CDH12: variants seen among roughly 807,000 people sequenced by gnomAD.
CDH12 encodes the protein cadherin 12, also known as cadherin-12.
Under a neutral mutation model 74.1 loss-of-function variants are expected in CDH12, and 41 were observed. That is an observed-to-expected ratio of 0.55 (90% CI 0.43 to 0.72). The LOEUF (loss-of-function observed/expected upper bound fraction) is 0.72, where lower values mean the gene tolerates loss of function less well. CDH12 is among the 30% of genes least tolerant of loss of function. The pLI is 0.00. For synonymous variants in CDH12, 399 were observed against 355.0 expected (o/e 1.12, Z -1.39); for missense variants, 945 against 977.2 (o/e 0.97, Z 0.44).
chr5:22,732,817 GGTCA>G (rs1744501523), intron 1 of CDH12, among the ~76,000 whole-genome samples: 1 of 151,756 alleles, frequency 6.6e-6, no homozygotes, highest in Non-Finnish European at 1.5e-5. Flanking sequence ...CTGATACCTT[GGTCA>G]CAGACTTCCT....
chr5:22,558,556 A>G (rs921752992), intron 1 of CDH12, among the ~76,000 whole-genome samples: 7 of 152,080 alleles, frequency 4.6e-5, no homozygotes, highest in Admixed American at 2.6e-4. Context: ...AAGTGGCTTG[A>G]TTCTTAAATA....
chr5:21,924,384 C>A (rs925710693), intron 6 of CDH12, among the ~76,000 whole-genome samples: 1 of 151,930 alleles, frequency 6.6e-6, no homozygotes, highest in Admixed American at 6.6e-5. Flanking sequence ...GGAGTGGTGG[C>A]GGGAACCTGT....
chr5:22,046,059 T>C (rs6896767), intron 5 of CDH12, among the ~76,000 whole-genome samples: 34,884 of 152,078 alleles, frequency 0.23, 4,121 homozygotes, highest in South Asian at 0.33. Context: ...GCATTGCCAA[T>C]GTAAATATAA....
chr5:22,532,638 T>C (rs1243699240), intron 1 of CDH12, among the ~76,000 whole-genome samples: 3 of 151,634 alleles, frequency 2.0e-5, no homozygotes, highest in Non-Finnish European at 4.4e-5. Flanking sequence ...TTTAAATCTA[T>C]AGTATGCTGA....
At chr5:22,559,733 A>C (rs1368958012) in intron 1 of CDH12, among the ~76,000 whole-genome samples, 2 of 152,126 alleles carry the variant, frequency 1.3e-5, no homozygotes, top group Non-Finnish European at 2.9e-5. Flanking sequence ...AAAAATCTTA[A>C]AGACAAGCAA....
chr5:22,409,635 A>G (rs1263193506), intron 2 of CDH12, among the ~76,000 whole-genome samples: 2 of 152,078 alleles, frequency 1.3e-5, no homozygotes, highest in Non-Finnish European at 2.9e-5. Flanking sequence ...TAATGTTTTA[A>G]GTTTCTTCTA....
At chr5:22,287,561 A>G (rs1170915930) in intron 3 of CDH12, among the ~76,000 whole-genome samples, 4 of 151,826 alleles carry the variant, frequency 2.6e-5, no homozygotes, top group Non-Finnish European at 5.9e-5. Context: ...CGTCTCTACT[A>G]AAAATACAAA....
At chr5:22,185,740 G>A (rs1036487881) in intron 4 of CDH12, among the ~76,000 whole-genome samples, 37 of 152,188 alleles carry the variant, frequency 2.4e-4, no homozygotes, top group Non-Finnish European at 4.1e-4. Flanking sequence ...TGTGGTAGGA[G>A]TTTTACTGAT....
chr5:22,144,275 T>C (rs1304329540), intron 4 of CDH12: 1 of 152,180 alleles, frequency 6.6e-6, no homozygotes, highest in Admixed American at 6.5e-5. Context: ...AAATTTTAAA[T>C]ATCATATCTA....
chr5:22,087,904 G>A (rs1743173285), intron 4 of CDH12, among the ~76,000 whole-genome samples: 1 of 152,182 alleles, frequency 6.6e-6, no homozygotes, highest in Non-Finnish European at 1.5e-5. Context: ...TTGATGGTGA[G>A]CTGCTCAGAA....
intron 3 of CDH12, among the ~76,000 whole-genome samples, chr5:22,377,059 C>A (rs1741560133): frequency 2.6e-5 from 4 of 152,056 alleles, no homozygotes; most frequent in African/African-American, 9.7e-5. Flanking sequence ...GGTACAACTT[C>A]CTAAATTTTT....
At chr5:22,591,173 T>C (rs575526878) in intron 1 of CDH12, among the ~76,000 whole-genome samples, 2 of 152,316 alleles carry the variant, frequency 1.3e-5, no homozygotes, top group East Asian at 3.9e-4. Context: ...AGGTCATTTA[T>C]TAAATTGTAA....
In CDH12 at chr5:22,679,838, A is replaced by G. The variant is rs538460620; in HGVS notation, c.-523+173220T>C. On this transcript the variant is annotated intron_variant, in intron 1 of 14. Transcript: ENST00000382254. Reference sequence around the variant, plus strand: ...AGACTTATCTACCTAACATGTAAGAAATAGAACAAAGAGACTCTTTCTGTT... The same window carrying G: ...AGACTTATCTACCTAACATGTAAGAGATAGAACAAAGAGACTCTTTCTGTT... 2.6e-4 allele frequency among the ~76,000 whole-genome samples: 40 copies of G among 152,232 alleles called. No homozygotes were observed. In the South Asian group the frequency reaches 7.9e-3, roughly 30 times the overall value.
At chr5:21,920,252 T>A (rs1754289603) in intron 6 of CDH12, among the ~76,000 whole-genome samples, 1 of 152,196 alleles carries the variant, frequency 6.6e-6, no homozygotes, top group Admixed American at 6.5e-5. Context: ...TGAGACATCA[T>A]GTGAGCAGAC....
chr5:21,885,567 T>C (rs1752585443), intron 6 of CDH12, among the ~76,000 whole-genome samples: 1 of 152,200 alleles, frequency 6.6e-6, no homozygotes, highest in Non-Finnish European at 1.5e-5. Flanking sequence ...ACCCAGATAA[T>C]ATAATTTTAT....
At chr5:22,679,844 A>G (rs1245206028) in intron 1 of CDH12, among the ~76,000 whole-genome samples, 1 of 152,102 alleles carries the variant, frequency 6.6e-6, no homozygotes. Flanking sequence ...AAGAAATAGA[A>G]CAAAGAGACT....
At chr5:22,612,686 T>A (rs1399564860) in intron 1 of CDH12, among the ~76,000 whole-genome samples, 1 of 152,098 alleles carries the variant, frequency 6.6e-6, no homozygotes, top group African/African-American at 2.4e-5. Context: ...AACTCAGTAT[T>A]TTTGACTGTC....
chr5:22,078,755 C>G lies in CDH12; in HGVS notation c.-79G>C. On this transcript the variant is annotated 5_prime_UTR_variant, in exon 5 of 15. Coordinates refer to ENST00000382254, the MANE Select transcript of CDH12 (RefSeq NM_004061.5). ...ATTGTGGAATCCAGGTTTGAGGTGT[C>G]TGTGGCCTCCACCACTTAGCTTCTT... is the stretch of plus-strand genomic sequence containing the variant. 6.5e-7 allele frequency: 1 copy of G among 1,549,848 alleles called. No homozygotes were observed. The highest frequency in any genetic ancestry group is 8.7e-7 in the Non-Finnish European group (1 of 1,150,876).
At chr5:21,947,787 C>T (rs1340948669) in intron 6 of CDH12, among the ~76,000 whole-genome samples, 1 of 152,186 alleles carries the variant, frequency 6.6e-6, no homozygotes. Flanking sequence ...GGCAGCCCTT[C>T]TCATCACAGA....
Sources: allele counts gnomAD v4.1 joint callset (sites outside exome capture counted in the v4.1 genomes callset), GRCh38; gene constraint gnomAD v4.1.1; transcripts MANE v1.5; gene names NCBI Gene and HGNC (gene_info 2026-07-23, HGNC 2026-07-21).